The following C1orf159 variants were observed in gnomAD, a reference collection of about 807,000 sequenced individuals.
C1orf159 encodes the protein chromosome 1 open reading frame 159, also known as uncharacterized protein C1orf159.
C1orf159 carries 19 observed loss-of-function variants against 25.6 expected under a neutral mutation model. That is an observed-to-expected ratio of 0.74 (90% CI 0.52 to 1.09). The LOEUF is 1.09. Among genes scored for constraint, C1orf159 ranks in the 50% least tolerant of loss-of-function variants. C1orf159 has a pLI of 0.00. For missense variants in C1orf159, 274 were observed against 290.6 expected, an observed-to-expected ratio of 0.94 and a Z score of 0.42; for synonymous variants, 139 against 124.7, an observed-to-expected ratio of 1.12 and a Z score of -0.77.
chr1:1,094,994 G>A (rs12731175), intron 1 of C1orf159, among the ~76,000 whole-genome samples: 8,870 of 152,238 alleles, frequency 0.058, 321 homozygotes, highest in South Asian at 0.12. Flanking sequence ...TTTCCATGTG[G>A]AATTACGTTG....
intron 1 of C1orf159, among the ~76,000 whole-genome samples, chr1:1,093,676 C>T (rs761635414): frequency 8.5e-5 from 13 of 152,272 alleles, no homozygotes; most frequent in Admixed American, 2.6e-4. Flanking sequence ...GTTGGCCAAA[C>T]GTCACCGCCT....
chr1:1,087,406 C>A lies in C1orf159; in HGVS notation c.244+96G>T. ...GGGGCTGTTCCCCAGTGGACAGTGGCTCTGGGGCAAGGTGGGGACACAGAC... is the reference window on the plus strand; with the variant it reads ...GGGGCTGTTCCCCAGTGGACAGTGGATCTGGGGCAAGGTGGGGACACAGAC... On this transcript the variant is annotated intron_variant, in intron 5 of 9. Transcript: ENST00000421241. This position sits in a 1 kb window ranked among gnomAD's most constrained non-coding sequence, Gnocchi z 8.3. 7.7e-7 allele frequency: 1 copy of A among 1,295,364 alleles called. No homozygotes were observed. Among genetic ancestry groups the A allele is most frequent in the South Asian group, 1.4e-5 (1 of 70,620 alleles). The allele number at this position is 1,295,364 out of a possible 1,614,324, so 80.2% of individuals were successfully genotyped here.
intron 1 of C1orf159, among the ~76,000 whole-genome samples, chr1:1,094,619 C>T (rs1217768798): frequency 6.6e-6 from 1 of 152,176 alleles, no homozygotes; most frequent in Non-Finnish European, 1.5e-5. Context: ...CCAGGATGGT[C>T]TCGATCTCCT....
chr1:1,093,844 T>C (rs1158801863), intron 1 of C1orf159, among the ~76,000 whole-genome samples: 2 of 152,214 alleles, frequency 1.3e-5, no homozygotes, highest in Non-Finnish European at 2.9e-5. Context: ...CACGTTTAAC[T>C]TTCTAAGGAA....
intron 1 of C1orf159, among the ~76,000 whole-genome samples, chr1:1,096,147 G>T (rs779553733): frequency 6.6e-6 from 1 of 152,174 alleles, no homozygotes; most frequent in Non-Finnish European, 1.5e-5. Context: ...TCTTTGTCAG[G>T]TTTTGGTATT....
intron 2 of C1orf159, 21 bp from the exon 3 acceptor site, chr1:1,091,586 C>T (rs1375890151): frequency 2.4e-5 from 34 of 1,420,138 alleles, no homozygotes; most frequent in East Asian, 1.1e-4. Context: ...GAGGAGCATG[C>T]GGAGCCAAAG....
chr1:1,095,726 G>C (rs1007129745), intron 1 of C1orf159, among the ~76,000 whole-genome samples: 1 of 152,072 alleles, frequency 6.6e-6, no homozygotes, highest in African/African-American at 2.4e-5. Context: ...AGTGAGAATG[G>C]GTGTCATCCT....
intron 2 of C1orf159, 37 bp from the exon 3 acceptor site, chr1:1,091,602 G>A (rs1645937335): frequency 1.4e-6 from 2 of 1,393,702 alleles, no homozygotes; most frequent in South Asian, 2.5e-5. Flanking sequence ...CAAAGAGATG[G>A]AGTGGGGCTG....
In C1orf159 at chr1:1,085,998, C is replaced by G. The variant is rs765614847; in HGVS notation, c.325G>C (p.Ala109Pro). Residue 109 changes from alanine (A) to proline (P), a missense_variant, in exon 7 of 10, where the codon GCC becomes CCC. Coordinates refer to ENST00000421241, the MANE Select transcript of C1orf159 (RefSeq NM_017891.5). ...GRPHPGAPRV[A>P]ASLFLGTFFI... Reference sequence around the variant, plus strand: ...AACGTGCCCAGGAAGAGGGAGGCGGCCACGCGCGGAGCCCCTGCAAACAGA... The same window carrying G: ...AACGTGCCCAGGAAGAGGGAGGCGGGCACGCGCGGAGCCCCTGCAAACAGA... 1 of 1,612,958 alleles carries G rather than the reference C, an allele frequency of 6.2e-7. No homozygotes were observed. The highest frequency in any genetic ancestry group is 8.5e-7 in the Non-Finnish European group (1 of 1,179,794).
At chr1:1,084,035 A>T in intron 9 of C1orf159, 1 of 1,607,434 alleles carries the variant, frequency 6.2e-7, no homozygotes, top group Non-Finnish European at 8.5e-7. Context: ...AGGAGCAGGT[A>T]TTGGGGGTCT....
In C1orf159 at chr1:1,087,102, A is replaced by G; in HGVS notation, c.310+37T>C. On this transcript the variant is annotated intron_variant, in intron 6 of 9. Transcript: ENST00000421241. The surrounding 1 kb of genome is among the most constrained non-coding windows in gnomAD (Gnocchi z 8.3). ...GCTCCGACGGCCCCCAGCCCCCAGG[A>G]CACCGGCAGAGGTGGCTGTGGCCTG... The G allele has an allele frequency of 1.9e-6, 3 of 1,588,984 alleles. No individual in the cohort carries two copies. Among genetic ancestry groups the G allele is most frequent in the Non-Finnish European group, 2.6e-6 (3 of 1,167,950 alleles).
intron 1 of C1orf159, among the ~76,000 whole-genome samples, chr1:1,099,437 G>C (rs1193110209): frequency 6.6e-6 from 1 of 151,406 alleles, no homozygotes; most frequent in Non-Finnish European, 1.5e-5. Flanking sequence ...ATTGTGCGTT[G>C]TCTATTGATG....
At chr1:1,113,084 T>C (rs963836817) in intron 1 of C1orf159, among the ~76,000 whole-genome samples, 10 of 151,808 alleles carry the variant, frequency 6.6e-5, no homozygotes, top group Non-Finnish European at 1.2e-4. Flanking sequence ...TAGTCCCAGC[T>C]ACTCGGGAGG....
intron 3 of C1orf159, chr1:1,090,750 G>GCT: frequency 1.2e-6 from 1 of 859,894 alleles, no homozygotes; most frequent in South Asian, 1.4e-5. Flanking sequence ...GTCTCCGGAG[G>GCT]CTCTCCATCA....
At chr1:1,083,993 C>A (rs761170850) in intron 9 of C1orf159, 1 of 1,604,744 alleles carries the variant, frequency 6.2e-7, no homozygotes. Flanking sequence ...AGGCCGGCTG[C>A]GTCTGTCCTC....
At chr1:1,090,295 C>G in intron 4 of C1orf159, 58 bp downstream of exon 4, 1 of 1,503,992 alleles carries the variant, frequency 6.6e-7, no homozygotes, top group Non-Finnish European at 9.0e-7. Context: ...GCCCTGGGCA[C>G]ACACACACCA....
chr1:1,104,868 G>A (rs1005592389), intron 1 of C1orf159, among the ~76,000 whole-genome samples: 9 of 152,096 alleles, frequency 5.9e-5, no homozygotes, highest in African/African-American at 1.9e-4. Context: ...TGGGCTGAAA[G>A]GATAAGTCTT....
rs999987962 is a variant in C1orf159, at chr1:1,082,459, G to C, written c.*434C>G. The C allele has an allele frequency of 2.3e-5, 5 of 215,828 alleles. No individual in the cohort carries two copies. The South Asian group carries it at 2.9e-4, about 13-fold the overall frequency. 13.4% of individuals were successfully genotyped at this position (215,828 alleles called of 1,614,324 possible). On this transcript the variant is annotated 3_prime_UTR_variant, in exon 10 of 10. Transcript: ENST00000421241. ...GCCTCACTGTTCTCAGAGGGGTCTC[G>C]GGCCACTGGGTGTGGTGGTGCTGGA... is the stretch of plus-strand genomic sequence containing the variant.
chr1:1,084,053 C>T (rs373137090), intron 9 of C1orf159: 107 of 1,608,946 alleles, frequency 6.7e-5, no homozygotes, highest in African/African-American at 9.3e-5. Context: ...TCTGCCCTGT[C>T]GTGGTGGGTC....
Sources: allele counts gnomAD v4.1 joint callset (sites outside exome capture counted in the v4.1 genomes callset), GRCh38; gene constraint gnomAD v4.1.1; non-coding constraint Gnocchi (gnomAD v3.1); transcripts MANE v1.5; gene names NCBI Gene and HGNC (gene_info 2026-07-23, HGNC 2026-07-21).